SHC3: variants seen among roughly 807,000 people sequenced by gnomAD.
SHC3 encodes the protein SHC-transforming protein 3.
SHC3 carries 15 observed loss-of-function variants against 60.4 expected under a neutral mutation model. The ratio of observed to expected loss-of-function variants is 0.25; its 90% CI spans 0.17 to 0.38. The LOEUF (loss-of-function observed/expected upper bound fraction) is 0.38. SHC3 is among the 10% of genes least tolerant of loss of function. SHC3 has a pLI of 1.00. For missense variants in SHC3, 677 were observed against 786.1 expected (o/e 0.86, Z 1.66); for synonymous variants, 294 against 325.9 (o/e 0.90, Z 1.05).
chr9:89,032,674 C>G (rs9410450), intron 11 of SHC3, among the ~76,000 whole-genome samples: 59,525 of 151,984 alleles, frequency 0.39, 13,461 homozygotes, highest in East Asian at 0.97. Context: ...AGATGCCCCA[C>G]GCAGCTTCTC....
chr9:89,111,459 C>T (rs1825945833), intron 2 of SHC3, among the ~76,000 whole-genome samples: 1 of 152,108 alleles, frequency 6.6e-6, no homozygotes, highest in Non-Finnish European at 1.5e-5. Flanking sequence ...AACATCATTC[C>T]ATTGTCTTTG....
At chr9:89,040,076 T>G (rs2117881053) in intron 10 of SHC3, among the ~76,000 whole-genome samples, 1 of 131,746 alleles carries the variant, frequency 7.6e-6, no homozygotes, top group Admixed American at 7.5e-5. Flanking sequence ...CCACCACCTT[T>G]GCCACCAGCA....
chr9:89,086,680 G>A (rs1368583396), intron 2 of SHC3, among the ~76,000 whole-genome samples: 11 of 152,144 alleles, frequency 7.2e-5, no homozygotes, highest in Admixed American at 3.3e-4. Flanking sequence ...GATTAGGGAC[G>A]GGGCTGGAAG....
intron 1 of SHC3, among the ~76,000 whole-genome samples, chr9:89,173,934 T>C (rs1264828085): frequency 6.6e-6 from 1 of 152,146 alleles, no homozygotes; most frequent in African/African-American, 2.4e-5. Context: ...GAAAGAATTT[T>C]GAGAAAAAAA....
chr9:89,028,459 T>C (rs28642754), intron 11 of SHC3, among the ~76,000 whole-genome samples: 23,089 of 148,516 alleles, frequency 0.16, 3,384 homozygotes, highest in African/African-American at 0.4. Context: ...AGTTAAACAA[T>C]TTATATTAAT....
intron 1 of SHC3, among the ~76,000 whole-genome samples, chr9:89,122,659 A>G (rs888104049): frequency 4.6e-5 from 7 of 152,212 alleles, no homozygotes; most frequent in African/African-American, 1.7e-4. Flanking sequence ...AAAGCAAGTC[A>G]CGGAGTCAGC....
intron 2 of SHC3, among the ~76,000 whole-genome samples, chr9:89,078,681 G>A (rs916098492): frequency 6.6e-6 from 1 of 152,168 alleles, no homozygotes; most frequent in African/African-American, 2.4e-5. Context: ...TGGCAGGAAG[G>A]GAATGCTGGA....
Position 89,173,192 on chromosome 9 carries a change from G to A in SHC3, c.474+4795C>T, listed in dbSNP as rs1826894751. On this transcript the variant is annotated intron_variant, in intron 1 of 11. Transcript: ENST00000375835. ...AGCTGGCGGTGGAGCTGCAGCCCAG[G>A]TGTCCTGCCTTTCACCAGTCCAGGA... is the stretch of plus-strand genomic sequence containing the variant. 2.0e-5 allele frequency among the ~76,000 whole-genome samples: 3 copies of A among 152,204 alleles called. No homozygotes were observed. In the South Asian group the frequency reaches 6.2e-4, roughly 32 times the overall value.
At chr9:89,098,162 T>C (rs1250444494) in intron 2 of SHC3, among the ~76,000 whole-genome samples, 17 of 152,086 alleles carry the variant, frequency 1.1e-4, no homozygotes, top group Non-Finnish European at 2.2e-4. Context: ...TTCTATAAAG[T>C]AACTAGCATG....
intron 2 of SHC3, among the ~76,000 whole-genome samples, chr9:89,102,912 C>T (rs1025187995): frequency 8.5e-5 from 13 of 152,204 alleles, no homozygotes; most frequent in South Asian, 4.1e-4. Flanking sequence ...CAGATGAATA[C>T]GAACATAGTG....
intron 1 of SHC3, among the ~76,000 whole-genome samples, chr9:89,160,231 C>A (rs1229975919): frequency 1.3e-5 from 2 of 152,132 alleles, no homozygotes; most frequent in Non-Finnish European, 2.9e-5. Flanking sequence ...ACACTGTGCA[C>A]CCTCCCACCT....
chr9:89,130,654 C>G (rs1826230980), intron 1 of SHC3, among the ~76,000 whole-genome samples: 1 of 152,178 alleles, frequency 6.6e-6, no homozygotes, highest in South Asian at 2.1e-4. Flanking sequence ...GCAACCTGCT[C>G]CTGAATGACT....
chr9:89,135,629 T>C (rs1002896187), intron 1 of SHC3, among the ~76,000 whole-genome samples: 1 of 152,122 alleles, frequency 6.6e-6, no homozygotes, highest in African/African-American at 2.4e-5. Context: ...ATGTTTCAAG[T>C]ACTATGGTAC....
intron 7 of SHC3, 132 bp from the exon 8 acceptor site, chr9:89,047,126 T>G (rs7871049): frequency 2.4e-6 from 2 of 819,120 alleles, no homozygotes; most frequent in Admixed American, 7.4e-5. Context: ...CCAGGTCTCA[T>G]GCATAGATGA....
chr9:89,100,080 T>C (rs1008858953), intron 2 of SHC3, among the ~76,000 whole-genome samples: 2 of 152,198 alleles, frequency 1.3e-5, no homozygotes, highest in Non-Finnish European at 2.9e-5. Context: ...TAAACGTTAA[T>C]TAAAAGCTCA....
chr9:89,096,153 T>C (rs1039000094), intron 2 of SHC3, among the ~76,000 whole-genome samples: 1 of 152,210 alleles, frequency 6.6e-6, no homozygotes, highest in African/African-American at 2.4e-5. Flanking sequence ...TGAATACGCA[T>C]GAGAGAGGCT....
intron 6 of SHC3, among the ~76,000 whole-genome samples, chr9:89,057,323 T>C (rs544015149): frequency 7.6e-4 from 112 of 147,636 alleles, no homozygotes; most frequent in Non-Finnish European, 1.3e-3. Context: ...TTCTTTTTTT[T>C]TTTTTTTTTT....
chr9:89,088,163 C>G (rs926735396), intron 2 of SHC3, among the ~76,000 whole-genome samples: 2 of 152,180 alleles, frequency 1.3e-5, no homozygotes, highest in Non-Finnish European at 2.9e-5. Context: ...CATCTACATA[C>G]TAAGAACCTT....
intron 1 of SHC3, among the ~76,000 whole-genome samples, chr9:89,164,484 G>C (rs1376068772): frequency 6.6e-6 from 1 of 151,930 alleles, no homozygotes; most frequent in Non-Finnish European, 1.5e-5. Flanking sequence ...TTGGAGTATC[G>C]GGGGGTAGGG....
Sources: gnomAD v4.1 joint callset for allele counts (sites outside exome capture counted in the v4.1 genomes callset) on GRCh38, gnomAD v4.1.1 for gene constraint, MANE v1.5 for transcripts, NCBI Gene and HGNC (gene_info 2026-07-23, HGNC 2026-07-21) for gene names.